KCNN3: variants seen among roughly 807,000 people sequenced by gnomAD.
KCNN3 encodes potassium calcium-activated channel subfamily N member 3, also known as small conductance calcium-activated potassium channel protein 3.
A neutral mutation model predicts 62.9 loss-of-function variants in KCNN3; 16 were observed. The ratio of observed to expected loss-of-function variants is 0.25; its 90% CI spans 0.17 to 0.39. The LOEUF is 0.39. Among genes scored for constraint, KCNN3 ranks in the 10% least tolerant of loss-of-function variants. The pLI, the probability that KCNN3 is intolerant of heterozygous loss-of-function variation, is 1.00. For missense variants in KCNN3, 599 were observed against 949.4 expected, an observed-to-expected ratio of 0.63 and a Z score of 4.85; for synonymous variants, 370 against 389.2, an observed-to-expected ratio of 0.95 and a Z score of 0.58.
intron 1 of KCNN3, among the ~76,000 whole-genome samples, chr1:154,831,546 A>G (rs1050473829): frequency 1.3e-5 from 2 of 152,194 alleles, no homozygotes. Flanking sequence ...AGAAGCCAGG[A>G]GGCTGGGGTT....
rs879775761 is a variant in KCNN3, at chr1:154,698,342, TGAGG to T, written c.*9630_*9633del. 1,549 of 152,322 alleles carry T rather than the reference TGAGG, an allele frequency of 0.01. 17 individuals carry two copies. The highest frequency in any genetic ancestry group is 0.015 in the Non-Finnish European group (998 of 68,032). The allele number at this position is 152,322 out of a possible 1,614,324, so 9.4% of individuals were successfully genotyped here. On this transcript the variant is annotated 3_prime_UTR_variant, in exon 8 of 8. Transcript: ENST00000271915. ...AATTCCACAAATGTGCCTGCAGCTG[TGAGG>T]ACAGCTGGAGAGATCTGTTGTCTTT...
chr1:154,707,417 G>T lies in KCNN3; in HGVS notation c.*559C>A, dbSNP rs1699984862. ...GAGTGGAAAATCTGGCTTTTTATTT[G>T]TCTGTGTCTTTTTTTTTTTTTTTCA... On this transcript the variant is annotated 3_prime_UTR_variant, in exon 8 of 8. Transcript: ENST00000271915. 1 of 133,748 alleles carries T rather than the reference G, an allele frequency of 7.5e-6. No homozygotes were observed. Among genetic ancestry groups the T allele is most frequent in the African/African-American group, 2.6e-5 (1 of 37,784 alleles). 8.3% of individuals were successfully genotyped at this position (133,748 alleles called of 1,614,324 possible).
chr1:154,807,772 T>A (rs752457898), intron 2 of KCNN3, among the ~76,000 whole-genome samples: 1 of 152,188 alleles, frequency 6.6e-6, no homozygotes, highest in Non-Finnish European at 1.5e-5. Context: ...CGGGCTGCCC[T>A]CAAGCCCTGG....
intron 2 of KCNN3, among the ~76,000 whole-genome samples, chr1:154,796,985 G>T (rs561360834): frequency 6.6e-6 from 1 of 152,224 alleles, no homozygotes. Flanking sequence ...TGGACATGGG[G>T]GTGATCTGCT....
rs538081347 is a variant in KCNN3, at chr1:154,832,640, T to C, written c.934-10456A>G. Among the ~76,000 whole-genome samples the C allele has an allele frequency of 5.9e-5, 9 of 152,304 alleles. 1 individual carries two copies. The highest frequency in any genetic ancestry group is 3.4e-3 in the Middle Eastern group (1 of 292). ...TTCTAGAATATTTGAAACAAATAAT[T>C]GTGCTTTCTGGATGGCTTGCTTTGA... On this transcript the variant is annotated intron_variant, in intron 1 of 7. Transcript: ENST00000271915.
At chr1:154,802,241 G>T (rs545042799) in intron 2 of KCNN3, among the ~76,000 whole-genome samples, 4 of 152,172 alleles carry the variant, frequency 2.6e-5, no homozygotes, top group African/African-American at 9.7e-5. Context: ...GGATTTAAAC[G>T]TGGATCTATT....
chr1:154,821,600 C>T (rs1034922750), intron 2 of KCNN3, among the ~76,000 whole-genome samples: 2 of 152,206 alleles, frequency 1.3e-5, no homozygotes, highest in African/African-American at 4.8e-5. Flanking sequence ...ACACCCCCAG[C>T]CTAGACCCAC....
intron 5 of KCNN3, among the ~76,000 whole-genome samples, chr1:154,717,028 T>C (rs1700247438): frequency 6.6e-6 from 1 of 152,236 alleles, no homozygotes; most frequent in African/African-American, 2.4e-5. Flanking sequence ...CTGTCAATTA[T>C]TAAGCAGTTT....
chr1:154,755,877 T>TGAGGAGGAA (rs1647658048), intron 3 of KCNN3, among the ~76,000 whole-genome samples: 1 of 71,040 alleles, frequency 1.4e-5, no homozygotes, highest in Admixed American at 1.9e-4. Flanking sequence ...AAGAGGAAGA[T>TGAGGAGGAA]GAGGAGGAAG....
At chr1:154,731,221 G>A (rs1700585813) in intron 4 of KCNN3, among the ~76,000 whole-genome samples, 1 of 152,244 alleles carries the variant, frequency 6.6e-6, no homozygotes, top group South Asian at 2.1e-4. Flanking sequence ...TTCCTTTCTG[G>A]TAAGAAGCGT....
At chr1:154,768,195 C>G (rs1317000004) in intron 3 of KCNN3, among the ~76,000 whole-genome samples, 1 of 152,218 alleles carries the variant, frequency 6.6e-6, no homozygotes, top group African/African-American at 2.4e-5. Context: ...CCACACTACC[C>G]TGGTCTGACG....
intron 1 of KCNN3, among the ~76,000 whole-genome samples, chr1:154,825,525 C>G (rs1651071855): frequency 6.6e-6 from 1 of 151,702 alleles, no homozygotes; most frequent in African/African-American, 2.4e-5. Context: ...GCCACTACAC[C>G]CGGCTAATTT....
At chr1:154,737,077 G>A in intron 3 of KCNN3, 2 of 702,214 alleles carry the variant, frequency 2.8e-6, no homozygotes, top group South Asian at 1.5e-5. Flanking sequence ...AGGCTGGGCT[G>A]GTGATTCAGG....
intron 2 of KCNN3, among the ~76,000 whole-genome samples, chr1:154,787,932 G>A (rs1363654508): frequency 6.6e-6 from 1 of 152,200 alleles, no homozygotes; most frequent in Non-Finnish European, 1.5e-5. Flanking sequence ...AGGGGTAGCT[G>A]GAGGAGGGGG....
intron 3 of KCNN3, among the ~76,000 whole-genome samples, chr1:154,750,691 G>A (rs935892709): frequency 6.6e-6 from 1 of 152,072 alleles, no homozygotes; most frequent in Non-Finnish European, 1.5e-5. Flanking sequence ...GTGGGCAGCT[G>A]CAGCCCTGAT....
intron 4 of KCNN3, among the ~76,000 whole-genome samples, chr1:154,728,213 TG>T (rs1429747326): frequency 6.6e-6 from 1 of 151,190 alleles, no homozygotes; most frequent in African/African-American, 2.5e-5. Context: ...GAAGCTAGAG[TG>T]TTTTATCTAA....
intron 2 of KCNN3, among the ~76,000 whole-genome samples, chr1:154,787,456 T>C (rs935020657): frequency 1.3e-5 from 2 of 152,172 alleles, no homozygotes; most frequent in African/African-American, 4.8e-5. Context: ...ACCCGTGGGG[T>C]ACAGCGGAGA....
intron 5 of KCNN3, among the ~76,000 whole-genome samples, chr1:154,715,431 C>A (rs1700213281): frequency 2.9e-5 from 2 of 69,142 alleles, no homozygotes; most frequent in African/African-American, 4.7e-5. Context: ...GAAACTCCAT[C>A]TCAAAAAAAA....
At chr1:154,865,868 C>A (rs948842380) in intron 1 of KCNN3, among the ~76,000 whole-genome samples, 11 of 152,334 alleles carry the variant, frequency 7.2e-5, no homozygotes, top group African/African-American at 2.6e-4. Flanking sequence ...CTCCCAAGGG[C>A]CTTTGAGTGG....
Sources: gnomAD v4.1 joint callset for allele counts (sites outside exome capture counted in the v4.1 genomes callset) on GRCh38, gnomAD v4.1.1 for gene constraint, MANE v1.5 for transcripts, NCBI Gene and HGNC (gene_info 2026-07-23, HGNC 2026-07-21) for gene names.